AGPAT4: variants seen among roughly 807,000 people sequenced by gnomAD.
AGPAT4 encodes the protein 1-acyl-sn-glycerol-3-phosphate acyltransferase delta.
Under a neutral mutation model 48.0 loss-of-function variants are expected in AGPAT4, and 15 were observed. The ratio of observed to expected loss-of-function variants is 0.31; its 90% CI spans 0.21 to 0.48. AGPAT4 has a LOEUF of 0.48. Ranked by LOEUF, AGPAT4 falls within the 20% of genes least tolerant of loss-of-function variation. The pLI, the probability that AGPAT4 is intolerant of heterozygous loss-of-function variation, is 0.99. For missense variants in AGPAT4, 314 were observed against 482.5 expected (o/e 0.65, Z 3.27); for synonymous variants, 178 against 198.7 (o/e 0.90, Z 0.88).
chr6:161,165,614 AC>A lies in AGPAT4; in HGVS notation c.348+633del, dbSNP rs1562320335. 7.7e-7 allele frequency: 1 copy of A among 1,302,094 alleles called. No homozygotes were observed. Among genetic ancestry groups the A allele is most frequent in the East Asian group, 5.6e-5 (1 of 18,018 alleles). The allele number at this position is 1,302,094 out of a possible 1,614,324, so 80.7% of individuals were successfully genotyped here. A position where few individuals can be genotyped will look rare whatever the true frequency, so the allele number is the denominator to read the frequency against. ...GATGACTCTGATTCAGCTATGTGAC[AC>A]AGGCTCAACCGCTACACGCTGCAGT... On this transcript the variant is annotated intron_variant, in intron 3 of 8. Coordinates refer to ENST00000320285, the MANE Select transcript of AGPAT4 (RefSeq NM_020133.3). This position sits in a 1 kb window ranked among gnomAD's most constrained non-coding sequence, Gnocchi z 5.5.
chr6:161,214,917 C>G lies in AGPAT4; in HGVS notation c.178+17119G>C, dbSNP rs763484834. On this transcript the variant is annotated intron_variant, in intron 2 of 8. Coordinates refer to ENST00000320285, the MANE Select transcript of AGPAT4 (RefSeq NM_020133.3). The surrounding 1 kb of genome is among the most constrained non-coding windows in gnomAD (Gnocchi z 5.4). ...CGTGACTATATTTCAAAACTATCTA[C>G]GTTGACCTCCAAACCTGTTCTGCTG... Among the ~76,000 whole-genome samples the G allele has an allele frequency of 6.6e-6, 1 of 152,158 alleles. No homozygotes were observed. The highest frequency in any genetic ancestry group is 2.1e-4 in the South Asian group (1 of 4,822).
At position 161,245,314 on chromosome 6, in the gene AGPAT4, A is replaced by T. The variant is rs1782618464; in HGVS notation, c.-89-13012T>A. Among the ~76,000 whole-genome samples, 2 of 152,150 alleles carry T rather than the reference A, an allele frequency of 1.3e-5. No homozygotes were observed. The highest frequency in any genetic ancestry group is 4.8e-5 in the African/African-American group (2 of 41,426). On this transcript the variant is annotated intron_variant, in intron 1 of 8. Coordinates refer to ENST00000320285, the MANE Select transcript of AGPAT4 (RefSeq NM_020133.3). This position sits in a 1 kb window ranked among gnomAD's most constrained non-coding sequence, Gnocchi z 5.2. ...GCCGGCCCCACAGGGGTGATGGGAG[A>T]CTTCAGGAGGTGATGGATGTGGAAG... is the stretch of plus-strand genomic sequence containing the variant.
rs139124411 is a variant in AGPAT4 at position 161,177,516 on chromosome 6, C to T, written c.179-11099G>A. On this transcript the variant is annotated intron_variant, in intron 2 of 8. Coordinates refer to ENST00000320285, the MANE Select transcript of AGPAT4 (RefSeq NM_020133.3). The surrounding 1 kb of genome is among the most constrained non-coding windows in gnomAD (Gnocchi z 5.0). Reference sequence around the variant, plus strand: ...ATCAGGTCATTTAAGGTCTTCTCTACGCTGTTTATTCTAGTTAGCCATTCA... The same window carrying T: ...ATCAGGTCATTTAAGGTCTTCTCTATGCTGTTTATTCTAGTTAGCCATTCA... Among the ~76,000 whole-genome samples, 721 of 152,290 alleles carry T rather than the reference C, an allele frequency of 4.7e-3. 2 individuals are homozygous for T. The highest frequency in any genetic ancestry group is 7.6e-3 in the Non-Finnish European group (520 of 68,008).
Position 161,198,162 on chromosome 6 carries a change from C to G in AGPAT4, c.179-31745G>C, listed in dbSNP as rs575358413. On this transcript the variant is annotated intron_variant, in intron 2 of 8. Coordinates refer to ENST00000320285, the MANE Select transcript of AGPAT4 (RefSeq NM_020133.3). This position sits in a 1 kb window ranked among gnomAD's most constrained non-coding sequence, Gnocchi z 4.3. ...ATTGATGAGTTTTGTGTTTCTTATTCTCAATATTAAAAGTGGATATGCAAA... is the reference window on the plus strand; with the variant it reads ...ATTGATGAGTTTTGTGTTTCTTATTGTCAATATTAAAAGTGGATATGCAAA... 6.6e-6 allele frequency among the ~76,000 whole-genome samples: 1 copy of G among 152,084 alleles called. No homozygotes were observed. The highest frequency in any genetic ancestry group is 2.1e-4 in the South Asian group (1 of 4,812).
intron 1 of AGPAT4, among the ~76,000 whole-genome samples, chr6:161,253,440 G>C (rs1782859961): frequency 6.6e-6 from 1 of 151,046 alleles, no homozygotes; most frequent in South Asian, 2.1e-4. Context: ...ATTTTTAGTA[G>C]AGACGGGGTT....
At position 161,238,620 on chromosome 6, in the gene AGPAT4, A is replaced by G. The variant is rs1782379573; in HGVS notation, c.-89-6318T>C. Among the ~76,000 whole-genome samples, 2 of 152,208 alleles carry G rather than the reference A, an allele frequency of 1.3e-5. No individual in the cohort carries two copies. The highest frequency in any genetic ancestry group is 4.8e-5 in the African/African-American group (2 of 41,446). On this transcript the variant is annotated intron_variant, in intron 1 of 8. Transcript: ENST00000320285. The surrounding 1 kb of genome is among the most constrained non-coding windows in gnomAD (Gnocchi z 5.2). ...TGTACTTTACCTTCCTTAACTATGT[A>G]ATCTTCCCAAAGCGTGGGATGGAGA... is the stretch of plus-strand genomic sequence containing the variant.
In AGPAT4 at chr6:161,138,025, G is replaced by GGTGT. The variant is rs969135971; in HGVS notation, c.1042+1393_1043-1392dup. ...AGGGGCCCCTCTCCAAGACGGCGTG[G>GGTGT]GTGTGTGTGTGCCTTGCTGTTGCCT... On this transcript the variant is annotated intron_variant, in intron 8 of 8. Coordinates refer to ENST00000320285, the MANE Select transcript of AGPAT4 (RefSeq NM_020133.3). The surrounding 1 kb of genome is among the most constrained non-coding windows in gnomAD (Gnocchi z 4.8). Among the ~76,000 whole-genome samples, 1 of 152,124 alleles carries GGTGT rather than the reference G, an allele frequency of 6.6e-6. No homozygotes were observed. The highest frequency in any genetic ancestry group is 1.5e-5 in the Non-Finnish European group (1 of 68,026).
chr6:161,156,592 T>A (rs2114969358), intron 3 of AGPAT4, among the ~76,000 whole-genome samples: 1 of 152,348 alleles, frequency 6.6e-6, no homozygotes, highest in Non-Finnish European at 1.5e-5. Flanking sequence ...ATTATGACTT[T>A]ATGAAAAAAG....
In AGPAT4 at chr6:161,243,544, T is replaced by G. The variant is rs1018734651; in HGVS notation, c.-89-11242A>C. Among the ~76,000 whole-genome samples the G allele has an allele frequency of 6.6e-6, 1 of 152,182 alleles. No homozygotes were observed. The highest frequency in any genetic ancestry group is 2.1e-4 in the South Asian group (1 of 4,828). On this transcript the variant is annotated intron_variant, in intron 1 of 8. Transcript: ENST00000320285. The surrounding 1 kb of genome is among the most constrained non-coding windows in gnomAD (Gnocchi z 4.8). ...AGCTGTGCAATCTTGGGTCAGTAGC[T>G]TATGCTCTCTGAGCCTCCGGGTCTG...
rs910382099 is a variant in AGPAT4 at position 161,195,849 on chromosome 6, G to A, written c.179-29432C>T. On this transcript the variant is annotated intron_variant, in intron 2 of 8. Transcript: ENST00000320285. The surrounding 1 kb of genome is among the most constrained non-coding windows in gnomAD (Gnocchi z 5.0). ...GGCAGGTGTCAGGGCCAGCAGGCAGGCTGATTGTCTAGCGTTGGCATTAGG... is the reference window on the plus strand; with the variant it reads ...GGCAGGTGTCAGGGCCAGCAGGCAGACTGATTGTCTAGCGTTGGCATTAGG... 1.3e-5 allele frequency among the ~76,000 whole-genome samples: 2 copies of A among 152,230 alleles called. No homozygotes were observed. Among genetic ancestry groups the A allele is most frequent in the African/African-American group, 4.8e-5 (2 of 41,454 alleles).
At position 161,208,446 on chromosome 6, in the gene AGPAT4, A is replaced by G. The variant is rs969388559; in HGVS notation, c.178+23590T>C. 6.6e-6 allele frequency among the ~76,000 whole-genome samples: 1 copy of G among 151,256 alleles called. No individual in the cohort carries two copies. Among genetic ancestry groups the G allele is most frequent in the Admixed American group, 6.6e-5 (1 of 15,138 alleles). ...CACTTATGTATACAAATGCACGCAC[A>G]CACACCCACCCCCAACATCTGCAGG... On this transcript the variant is annotated intron_variant, in intron 2 of 8. Coordinates refer to ENST00000320285, the MANE Select transcript of AGPAT4 (RefSeq NM_020133.3). This position sits in a 1 kb window ranked among gnomAD's most constrained non-coding sequence, Gnocchi z 4.6.
chr6:161,210,866 T>C (rs1425422361), intron 2 of AGPAT4, among the ~76,000 whole-genome samples: 2 of 152,218 alleles, frequency 1.3e-5, no homozygotes, highest in South Asian at 2.1e-4. Context: ...TTAATATTGG[T>C]TAAATAAAAA....
Position 161,184,341 on chromosome 6 carries a change from G to A in AGPAT4, c.179-17924C>T, listed in dbSNP as rs1780702874. Among the ~76,000 whole-genome samples, 1 of 151,972 alleles carries A rather than the reference G, an allele frequency of 6.6e-6. No individual in the cohort carries two copies. Among genetic ancestry groups the A allele is most frequent in the African/African-American group, 2.4e-5 (1 of 41,400 alleles). ...GGTTCAACGTGGTGTAAGAGACAGA[G>A]GAGAATTCAGGAGTGAAGCTAAGGT... On this transcript the variant is annotated intron_variant, in intron 2 of 8. Coordinates refer to ENST00000320285, the MANE Select transcript of AGPAT4 (RefSeq NM_020133.3). The surrounding 1 kb of genome is among the most constrained non-coding windows in gnomAD (Gnocchi z 4.8).
intron 1 of AGPAT4, among the ~76,000 whole-genome samples, chr6:161,269,841 T>C (rs1282663392): frequency 6.6e-6 from 1 of 152,204 alleles, no homozygotes; most frequent in Non-Finnish European, 1.5e-5. Context: ...GACAGATGGA[T>C]GTATCATGTA....
In AGPAT4 at chr6:161,136,354, A is replaced by G. The variant is rs1311100416; in HGVS notation, c.*186T>C. The G allele has an allele frequency of 5.5e-5, 33 of 599,270 alleles. No homozygotes were observed. The highest frequency in any genetic ancestry group is 3.6e-5 in the Non-Finnish European group (12 of 337,230). The allele number at this position is 599,270 out of a possible 1,614,324, so 37.1% of individuals were successfully genotyped here. ...AAAGCCCACTAAAGCACATGGGGAA[A>G]AAAAGATTACAAAACATCTTCCTCC... On this transcript the variant is annotated 3_prime_UTR_variant, in exon 9 of 9. Transcript: ENST00000320285.
Position 161,220,631 on chromosome 6 carries a change from T to G in AGPAT4, c.178+11405A>C, listed in dbSNP as rs1448840022. On this transcript the variant is annotated intron_variant, in intron 2 of 8. Coordinates refer to ENST00000320285, the MANE Select transcript of AGPAT4 (RefSeq NM_020133.3). This position sits in a 1 kb window ranked among gnomAD's most constrained non-coding sequence, Gnocchi z 6.0. ...CGAATATTGCAAAATGGGTAGGCAA[T>G]GCCCCCACCTGATTTGTGACGGGTG... Among the ~76,000 whole-genome samples the G allele has an allele frequency of 1.3e-5, 2 of 152,292 alleles. No homozygotes were observed. Among genetic ancestry groups the G allele is most frequent in the Non-Finnish European group, 2.9e-5 (2 of 68,012 alleles).
In AGPAT4 at chr6:161,146,439, A is replaced by G. The variant is rs1013850453; in HGVS notation, c.843+85T>C. The G allele has an allele frequency of 8.2e-6, 11 of 1,334,040 alleles. No individual in the cohort carries two copies. The highest frequency in any genetic ancestry group is 1.1e-5 in the Non-Finnish European group (10 of 947,362). 82.6% of individuals were successfully genotyped at this position (1,334,040 alleles called of 1,614,324 possible). A position where few individuals can be genotyped will look rare whatever the true frequency, so the allele number is the denominator to read the frequency against. Reference sequence around the variant, plus strand: ...GGCTCTGTGAGATCTCGCCCACCGGAGAAAGGCCTGCTACCACACAACACA... The same window carrying G: ...GGCTCTGTGAGATCTCGCCCACCGGGGAAAGGCCTGCTACCACACAACACA... On this transcript the variant is annotated intron_variant, in intron 7 of 8. Coordinates refer to ENST00000320285, the MANE Select transcript of AGPAT4 (RefSeq NM_020133.3). The surrounding 1 kb of genome is among the most constrained non-coding windows in gnomAD (Gnocchi z 7.1).
At position 161,166,187 on chromosome 6, in the gene AGPAT4, C is replaced by A. The variant is rs1320343293; in HGVS notation, c.348+61G>T. ...TTCTGAATGACCAGGAGCAAAAAGA[C>A]AAGTGGTGGGGCTGAACCAGAGAAA... On this transcript the variant is annotated intron_variant, in intron 3 of 8. Transcript: ENST00000320285. This position sits in a 1 kb window ranked among gnomAD's most constrained non-coding sequence, Gnocchi z 6.7. 4 of 1,575,744 alleles carry A rather than the reference C, an allele frequency of 2.5e-6. No homozygotes were observed. The highest frequency in any genetic ancestry group is 3.5e-6 in the Non-Finnish European group (4 of 1,156,420).
chr6:161,186,017 A>G lies in AGPAT4; in HGVS notation c.179-19600T>C, dbSNP rs1583312428. 2.0e-5 allele frequency among the ~76,000 whole-genome samples: 3 copies of G among 152,310 alleles called. No individual in the cohort carries two copies. The Middle Eastern group carries it at 0.01, about 518-fold the overall frequency. On this transcript the variant is annotated intron_variant, in intron 2 of 8. Transcript: ENST00000320285. ...TTTCTGCCCCTCCTTTGCTTACTGC[A>G]TGGAGTAGTGAGAAATTCTCGAAAT...
Sources: allele counts gnomAD v4.1 joint callset (sites outside exome capture counted in the v4.1 genomes callset), GRCh38; gene constraint gnomAD v4.1.1; non-coding constraint Gnocchi (gnomAD v3.1); transcripts MANE v1.5; gene names NCBI Gene and HGNC (gene_info 2026-07-23, HGNC 2026-07-21).